The following MFN1 variants were observed in gnomAD, a reference collection of about 807,000 sequenced individuals.
MFN1 encodes the protein mitofusin-1.
In MFN1, 65 loss-of-function variants were observed where a neutral mutation model predicts 92.4. The observed-to-expected ratio is 0.70, with a 90% confidence interval of 0.58 to 0.86. MFN1 has a LOEUF of 0.86. Ranked by LOEUF, MFN1 falls within the 40% of genes least tolerant of loss-of-function variation. MFN1 has a pLI of 0.00. For synonymous variants in MFN1, 297 were observed against 300.9 expected, an observed-to-expected ratio of 0.99 and a Z score of 0.13; for missense variants, 781 against 868.0, an observed-to-expected ratio of 0.90 and a Z score of 1.26.
In MFN1 at chr3:179,365,109, G is replaced by T; in HGVS notation, c.646-9G>T. ...GTGAATGTACTGTGGGGTTTTTTTTGTTTTTCAGGAAAAACACTTTTTTCA... is the reference window on the plus strand; with the variant it reads ...GTGAATGTACTGTGGGGTTTTTTTTTTTTTTCAGGAAAAACACTTTTTTCA... On this transcript the variant is annotated splice_polypyrimidine_tract_variant and intron_variant, in intron 6 of 17. Coordinates refer to ENST00000471841, the MANE Select transcript of MFN1 (RefSeq NM_033540.3). The T allele has an allele frequency of 6.7e-7, 1 of 1,489,922 alleles. No individual in the cohort carries two copies. Among genetic ancestry groups the T allele is most frequent in the Non-Finnish European group, 9.0e-7 (1 of 1,115,618 alleles). The allele number at this position is 1,489,922 out of a possible 1,614,324, so 92.3% of individuals were successfully genotyped here.
intron 14 of MFN1, among the ~76,000 whole-genome samples, chr3:179,384,068 A>G (rs1713577598): frequency 6.6e-6 from 1 of 152,194 alleles, no homozygotes; most frequent in Admixed American, 6.5e-5. Flanking sequence ...ATGCAATCAT[A>G]TAGAATGTGG....
chr3:179,376,011 A>G (rs757792724), intron 10 of MFN1, among the ~76,000 whole-genome samples: 19 of 152,228 alleles, frequency 1.2e-4, no homozygotes, highest in Non-Finnish European at 2.2e-4. Context: ...TTAAGCCTCG[A>G]TAGGACCTTC....
intron 9 of MFN1, among the ~76,000 whole-genome samples, chr3:179,368,542 T>G: frequency 6.6e-6 from 1 of 152,338 alleles, no homozygotes. Flanking sequence ...TGACAAAATT[T>G]TATTATATTT....
At chr3:179,365,663 T>C (rs1439861598) in intron 7 of MFN1, among the ~76,000 whole-genome samples, 1 of 152,216 alleles carries the variant, frequency 6.6e-6, no homozygotes, top group African/African-American at 2.4e-5. Context: ...TACCTCCTTC[T>C]AACTTCCCTT....
chr3:179,351,548 C>G (rs1054592422), intron 2 of MFN1, among the ~76,000 whole-genome samples: 1 of 152,192 alleles, frequency 6.6e-6, no homozygotes, highest in Non-Finnish European at 1.5e-5. Flanking sequence ...GCTCCCCCTT[C>G]TGAGCTCAAG....
chr3:179,359,427 T>TG (rs1288016553), intron 4 of MFN1, among the ~76,000 whole-genome samples: 1 of 145,040 alleles, frequency 6.9e-6, no homozygotes, highest in Non-Finnish European at 1.5e-5. Context: ...GCCTTTTTTT[T>TG]TTTTTTTTTT....
intron 16 of MFN1, among the ~76,000 whole-genome samples, chr3:179,387,257 T>G (rs111425325): frequency 3.3e-5 from 5 of 152,182 alleles, no homozygotes; most frequent in African/African-American, 1.2e-4. Flanking sequence ...TCTAAATTTA[T>G]GTACCTGGCT....
chr3:179,352,106 A>G, intron 3 of MFN1, 71 bp downstream of exon 3: 2 of 1,455,008 alleles, frequency 1.4e-6, no homozygotes, highest in South Asian at 1.5e-5. Flanking sequence ...TCAACAAGTA[A>G]TATTTCTCCC....
intron 3 of MFN1, among the ~76,000 whole-genome samples, chr3:179,353,744 G>T (rs889857838): frequency 6.6e-6 from 1 of 152,226 alleles, no homozygotes; most frequent in African/African-American, 2.4e-5. Context: ...AGCTATCTGT[G>T]CTGTGTACCA....
At chr3:179,362,307 T>C in intron 4 of MFN1, 51 bp from the exon 5 acceptor site, 1 of 1,483,076 alleles carries the variant, frequency 6.7e-7, no homozygotes, top group Non-Finnish European at 9.0e-7. Flanking sequence ...TTAATTTTTA[T>C]TGAATTTTAT....
intron 12 of MFN1, among the ~76,000 whole-genome samples, chr3:179,377,947 C>A (rs551154667): frequency 1.3e-5 from 2 of 152,244 alleles, no homozygotes; most frequent in East Asian, 3.9e-4. Flanking sequence ...GTAATACCAG[C>A]TACTCTGGAG....
rs535240805 is a variant in MFN1 at position 179,349,421 on chromosome 3, A to G, written c.112+458A>G. On this transcript the variant is annotated intron_variant, in intron 2 of 17. Transcript: ENST00000471841. Reference sequence around the variant, plus strand: ...ACCTCAGACATATCTCATTCTCTCAAATGAGGCTGAATTGCAGTGGAAAGG... The same window carrying G: ...ACCTCAGACATATCTCATTCTCTCAGATGAGGCTGAATTGCAGTGGAAAGG... Among the ~76,000 whole-genome samples, 41 of 152,300 alleles carry G rather than the reference A, an allele frequency of 2.7e-4. No individual in the cohort carries two copies. The South Asian group carries it at 7.9e-3, about 29-fold the overall frequency.
intron 10 of MFN1, among the ~76,000 whole-genome samples, chr3:179,375,992 G>A (rs1374580705): frequency 6.6e-6 from 1 of 152,200 alleles, no homozygotes; most frequent in Non-Finnish European, 1.5e-5. Flanking sequence ...TGTGACAAAA[G>A]TAATGATGTT....
chr3:179,377,756 A>G (rs1200780750), intron 12 of MFN1, among the ~76,000 whole-genome samples: 1 of 152,184 alleles, frequency 6.6e-6, no homozygotes, highest in Non-Finnish European at 1.5e-5. Flanking sequence ...CAACACAGTG[A>G]GAACTCTAAT....
intron 3 of MFN1, among the ~76,000 whole-genome samples, chr3:179,352,718 A>G (rs892220296): frequency 2.6e-5 from 4 of 151,446 alleles, no homozygotes; most frequent in African/African-American, 9.7e-5. Flanking sequence ...ATTCCAGATT[A>G]TAATCTTTAT....
intron 15 of MFN1, 139 bp from the exon 16 acceptor site, chr3:179,386,294 G>A (rs1713681153): frequency 1.5e-6 from 1 of 661,666 alleles, no homozygotes; most frequent in Non-Finnish European, 2.5e-6. Context: ...GTAACTTCAG[G>A]TTTTCTCATG....
At chr3:179,379,703 T>C (rs1713394617) in intron 14 of MFN1, among the ~76,000 whole-genome samples, 1 of 152,096 alleles carries the variant, frequency 6.6e-6, no homozygotes, top group Admixed American at 6.5e-5. Context: ...GTGACATTGA[T>C]AAGAAAAAGA....
At position 179,364,189 on chromosome 3, in the gene MFN1, G is replaced by A. The variant is rs1712692590; in HGVS notation, c.537-108G>A. 3.2e-5 allele frequency: 21 copies of A among 651,162 alleles called. No individual in the cohort carries two copies. The South Asian group carries it at 5.3e-4, about 17-fold the overall frequency. The allele number at this position is 651,162 out of a possible 1,614,324, so 40.3% of individuals were successfully genotyped here. ...CTAGACTTCTTACAGATGACAGCTG[G>A]AAATCCTGGTTTTTAAACTTCAAAT... is the stretch of plus-strand genomic sequence containing the variant. On this transcript the variant is annotated intron_variant, in intron 5 of 17. Coordinates refer to ENST00000471841, the MANE Select transcript of MFN1 (RefSeq NM_033540.3).
chr3:179,380,636 C>G (rs747470870), intron 14 of MFN1, among the ~76,000 whole-genome samples: 1 of 152,188 alleles, frequency 6.6e-6, no homozygotes, highest in Non-Finnish European at 1.5e-5. Flanking sequence ...AAAAGTGTTT[C>G]ATTATTTCAA....
Sources: gnomAD v4.1 joint callset for allele counts (sites outside exome capture counted in the v4.1 genomes callset) on GRCh38, gnomAD v4.1.1 for gene constraint, MANE v1.5 for transcripts, NCBI Gene and HGNC (gene_info 2026-07-23, HGNC 2026-07-21) for gene names.